The following PCDH15 variants were observed in gnomAD, a reference collection of about 807,000 sequenced individuals.
PCDH15 encodes the protein protocadherin-15.
PCDH15 carries 129 observed loss-of-function variants against 178.5 expected under a neutral mutation model. The ratio of observed to expected loss-of-function variants is 0.72; its 90% confidence interval spans 0.63 to 0.84. The LOEUF (loss-of-function observed/expected upper bound fraction) is 0.84. PCDH15 is among the 40% of genes least tolerant of loss of function. The pLI is 0.00. For synonymous variants in PCDH15, 800 were observed against 732.0 expected, an observed-to-expected ratio of 1.09 and a Z score of -1.50; for missense variants, 2,230 against 2,099.9, an observed-to-expected ratio of 1.06 and a Z score of -1.21.
intron 1 of PCDH15, among the ~76,000 whole-genome samples, chr10:55,283,163 G>C (rs1842775124): frequency 6.6e-6 from 1 of 152,112 alleles, no homozygotes; most frequent in Non-Finnish European, 1.5e-5. Context: ...CCTAAGATCA[G>C]TGTTTGAGAT....
chr10:54,938,448 T>C (rs1291989938), intron 2 of PCDH15, among the ~76,000 whole-genome samples: 1 of 152,114 alleles, frequency 6.6e-6, no homozygotes, highest in Admixed American at 6.5e-5. Context: ...ATAGAATGGG[T>C]TGGGATGTAA....
At chr10:55,237,720 A>T (rs1462559976) in intron 1 of PCDH15, among the ~76,000 whole-genome samples, 1 of 151,916 alleles carries the variant, frequency 6.6e-6, no homozygotes, top group Non-Finnish European at 1.5e-5. Context: ...ATTATGCCTT[A>T]TTTTTTTCCT....
intron 37 of PCDH15, chr10:53,808,603 C>T (rs2075744878): frequency 6.7e-7 from 1 of 1,486,808 alleles, no homozygotes; most frequent in Non-Finnish European, 8.9e-7. Context: ...CAATTTCCTC[C>T]CTTTCAAGTG....
chr10:54,288,655 C>G (rs904505242), intron 8 of PCDH15, among the ~76,000 whole-genome samples: 2 of 152,184 alleles, frequency 1.3e-5, no homozygotes, highest in African/African-American at 2.4e-5. Context: ...GGGACACTCC[C>G]GCCCAAATAC....
chr10:53,879,815 G>A (rs753148229), intron 26 of PCDH15, among the ~76,000 whole-genome samples: 1 of 152,112 alleles, frequency 6.6e-6, no homozygotes, highest in Non-Finnish European at 1.5e-5. Flanking sequence ...ATGTTGGCCA[G>A]GCTGGTCTTT....
chr10:55,141,730 A>T (rs1339692954), intron 2 of PCDH15, among the ~76,000 whole-genome samples: 1 of 152,132 alleles, frequency 6.6e-6, no homozygotes, highest in Non-Finnish European at 1.5e-5. Flanking sequence ...TAAGCTGTTC[A>T]ACATTAAAGG....
intron 19 of PCDH15, among the ~76,000 whole-genome samples, chr10:54,021,420 G>GA (rs2092917504): frequency 1.3e-5 from 2 of 151,916 alleles, no homozygotes; most frequent in Admixed American, 6.6e-5. Context: ...TTTATTATGT[G>GA]GTTTTTCCTG....
At chr10:53,926,172 G>A (rs1484186148) in intron 25 of PCDH15, among the ~76,000 whole-genome samples, 1 of 151,948 alleles carries the variant, frequency 6.6e-6, no homozygotes, top group African/African-American at 2.4e-5. Flanking sequence ...TTCTAGTTTG[G>A]GACTGGCCTA....
At chr10:54,950,877 A>T (rs149367166) in intron 2 of PCDH15, among the ~76,000 whole-genome samples, 244 of 152,026 alleles carry the variant, frequency 1.6e-3, no homozygotes, top group African/African-American at 5.3e-3. Context: ...TTATGTTGGT[A>T]TTAGTGTTTT....
At chr10:54,874,005 G>A (rs1954089519) in intron 3 of PCDH15, among the ~76,000 whole-genome samples, 1 of 137,758 alleles carries the variant, frequency 7.3e-6, no homozygotes. Context: ...AAGTTTTAGG[G>A]TACATGTGCA....
intron 2 of PCDH15, among the ~76,000 whole-genome samples, chr10:55,523,972 C>T (rs1056234122): frequency 1.8e-4 from 28 of 151,570 alleles, no homozygotes; most frequent in African/African-American, 6.3e-4. Flanking sequence ...TCCAGTTCTA[C>T]AGTCTCAGGC....
chr10:54,961,632 C>A (rs1584904), intron 2 of PCDH15, among the ~76,000 whole-genome samples: 56,920 of 152,036 alleles, frequency 0.37, 11,641 homozygotes, highest in East Asian at 0.69. Flanking sequence ...GGGTGACCTG[C>A]CTGCTGGAAG....
At chr10:54,577,735 T>C (rs988464937) in intron 2 of PCDH15, among the ~76,000 whole-genome samples, 3 of 152,028 alleles carry the variant, frequency 2.0e-5, no homozygotes, top group Admixed American at 6.6e-5. Flanking sequence ...TGCCCACTAA[T>C]AGTCCCTTTA....
chr10:53,935,664 T>C (rs949142931), intron 25 of PCDH15, among the ~76,000 whole-genome samples: 4 of 152,204 alleles, frequency 2.6e-5, no homozygotes, highest in Admixed American at 2.6e-4. Flanking sequence ...CCCAGAAAAC[T>C]AAACATATTT....
chr10:55,217,210 A>C (rs1024335940), intron 1 of PCDH15, among the ~76,000 whole-genome samples: 1 of 151,930 alleles, frequency 6.6e-6, no homozygotes, highest in Non-Finnish European at 1.5e-5. Flanking sequence ...AACTCGAAAG[A>C]AATTTGTGAG....
intron 3 of PCDH15, among the ~76,000 whole-genome samples, chr10:54,896,230 TA>T (rs1292644838): frequency 6.6e-6 from 1 of 152,186 alleles, no homozygotes; most frequent in Non-Finnish European, 1.5e-5. Context: ...GCAAATCAGT[TA>T]TTTTTTATTT....
chr10:55,433,462 A>G (rs551239446), intron 2 of PCDH15, among the ~76,000 whole-genome samples: 41 of 152,300 alleles, frequency 2.7e-4, no homozygotes, highest in African/African-American at 9.9e-4. Context: ...AAAACTACCT[A>G]TTGGGTACTA....
chr10:55,171,798 A>G (rs1351640362), intron 1 of PCDH15, among the ~76,000 whole-genome samples: 2 of 152,082 alleles, frequency 1.3e-5, no homozygotes, highest in Non-Finnish European at 2.9e-5. Flanking sequence ...TTACATTAAT[A>G]AGGATTTGAT....
In PCDH15 at chr10:54,139,069, T is replaced by C. The variant is rs552094202; in HGVS notation, c.1785-6062A>G. Among the ~76,000 whole-genome samples, 52 of 152,266 alleles carry C rather than the reference T, an allele frequency of 3.4e-4. 4 individuals are homozygous for C. In the South Asian group the frequency reaches 0.011, roughly 31 times the overall value. On this transcript the variant is annotated intron_variant, in intron 14 of 37. Transcript: ENST00000644397. ...ATGCCTTTAGAATTGTCAGCATACA[T>C]TTTTGCTGAGTTTTATATATGTCTC... is the stretch of plus-strand genomic sequence containing the variant.
Sources: allele counts gnomAD v4.1 joint callset (sites outside exome capture counted in the v4.1 genomes callset), GRCh38; gene constraint gnomAD v4.1.1; transcripts MANE v1.5; gene names NCBI Gene and HGNC (gene_info 2026-07-23, HGNC 2026-07-21).